The following SF1 variants were observed in gnomAD, a reference collection of about 807,000 sequenced individuals.
SF1 encodes the protein branch point-binding protein.
In SF1, 7 loss-of-function variants were observed where a neutral mutation model predicts 62.5. The observed-to-expected ratio is 0.11, with a 90% CI of 0.06 to 0.21. SF1 has a LOEUF of 0.21. Ranked by LOEUF, SF1 falls within the 10% of genes least tolerant of loss-of-function variation. The probability of loss-of-function intolerance (pLI) is 1.00; values close to 1 mark genes in which losing one functional copy is unlikely to be tolerated. For synonymous variants in SF1, 394 were observed against 323.6 expected (o/e 1.22, Z -2.33); for missense variants, 578 against 884.0 (o/e 0.65, Z 4.39).
chr11:64,777,354 G>T, intron 1 of SF1: 1 of 296,912 alleles, frequency 3.4e-6, no homozygotes, highest in Non-Finnish European at 5.0e-6. Flanking sequence ...AGAGGGAAAA[G>T]CTTTTTAAAA....
intron 1 of SF1, chr11:64,777,821 G>T: frequency 1.1e-6 from 1 of 952,370 alleles, no homozygotes; most frequent in Non-Finnish European, 1.2e-6. Context: ...GCGCACTCGA[G>T]GCCCTAGAAC....
Position 64,769,974 on chromosome 11 carries a change from T to C in SF1, c.469A>G (p.Ile157Val). Reference sequence around the variant, plus strand: ...CCAGCAGTTACTCACCTGGGCCCGATGAGCAGCCCCACAAAGTTGATTTCT... The same window carrying C: ...CCAGCAGTTACTCACCTGGGCCCGACGAGCAGCCCCACAAAGTTGATTTCT... ...YPEINFVGLL[I>V]GPRGNTLKNI... Residue 157 changes from isoleucine to valine, a missense_variant, in exon 5 of 13, where the codon ATC becomes GTC. By Grantham distance (29) the Ile-to-Val change is conservative. Around this residue, in one of 7 missense-constraint regions of SF1, gnomAD observed 68 missense variants for 170.7 expected, o/e 0.40. Coordinates refer to ENST00000377390, the MANE Select transcript of SF1 (RefSeq NM_004630.4). 6.2e-7 allele frequency: 1 copy of C among 1,613,050 alleles called. No homozygotes were observed. Among genetic ancestry groups the C allele is most frequent in the Non-Finnish European group, 8.5e-7 (1 of 1,178,992 alleles).
chr11:64,775,493 G>A (rs930024996), intron 2 of SF1, among the ~76,000 whole-genome samples: 1 of 152,174 alleles, frequency 6.6e-6, no homozygotes, highest in African/African-American at 2.4e-5. Context: ...ACTGTGAAAG[G>A]AGACAGACAA....
chr11:64,767,390 C>T, intron 10 of SF1, 139 bp from the exon 11 acceptor site: 6 of 1,053,384 alleles, frequency 5.7e-6, no homozygotes, highest in Non-Finnish European at 8.7e-6. Context: ...GCTTACCCAA[C>T]ACAGAATCAC....
At chr11:64,771,610 C>T (rs990430439) in intron 3 of SF1, 32 of 985,250 alleles carry the variant, frequency 3.2e-5, no homozygotes, top group African/African-American at 3.5e-5. Context: ...TGGCTAATGA[C>T]GGCTAAATGA....
chr11:64,770,412 T>A lies in SF1; in HGVS notation c.237-4A>T, dbSNP rs1247883740. 1.9e-6 allele frequency: 3 copies of A among 1,610,054 alleles called. No individual in the cohort carries two copies. The highest frequency in any genetic ancestry group is 2.2e-5 in the East Asian group (1 of 44,744). ...GATGGGCTCAGGGGAAGGGGACCTG[T>A]GGGAAACAGACTCCCGTTTACTATT... is the stretch of plus-strand genomic sequence containing the variant. On this transcript the variant is annotated splice_polypyrimidine_tract_variant and splice_region_variant and intron_variant, in intron 3 of 12. Transcript: ENST00000377390.
chr11:64,767,168 C>T, intron 11 of SF1, 24 bp downstream of exon 11: 1 of 1,613,802 alleles, frequency 6.2e-7, no homozygotes, highest in Admixed American at 1.7e-5. Flanking sequence ...AGGTGAAGAC[C>T]CACAGCCAGC....
chr11:64,770,427 C>T lies in SF1; in HGVS notation c.237-19G>A, dbSNP rs899308365. ...AGGGGACCTGTGGGAAACAGACTCCCGTTTACTATTCTGCACCGACTTCTC... is the reference window on the plus strand; with the variant it reads ...AGGGGACCTGTGGGAAACAGACTCCTGTTTACTATTCTGCACCGACTTCTC... On this transcript the variant is annotated intron_variant, in intron 3 of 12. Coordinates refer to ENST00000377390, the MANE Select transcript of SF1 (RefSeq NM_004630.4). 7.5e-6 allele frequency: 12 copies of T among 1,607,386 alleles called. No homozygotes were observed. Among genetic ancestry groups the T allele is most frequent in the Admixed American group, 3.3e-5 (2 of 59,872 alleles).
At chr11:64,777,361 A>T in intron 1 of SF1, 3 of 350,478 alleles carry the variant, frequency 8.6e-6, no homozygotes, top group Non-Finnish European at 1.2e-5. Flanking sequence ...AAAGCTTTTT[A>T]AAACAAAGCG....
intron 1 of SF1, 27 bp downstream of exon 1, chr11:64,778,335 G>C: frequency 8.2e-7 from 1 of 1,225,816 alleles, no homozygotes; most frequent in South Asian, 4.1e-5. Flanking sequence ...CCGGGGAGCG[G>C]GGGCAGCCCG....
At chr11:64,768,883 C>A in intron 8 of SF1, 139 bp downstream of exon 8, 1 of 710,956 alleles carries the variant, frequency 1.4e-6, no homozygotes. Context: ...TCATCCTGGG[C>A]TTTAAATCAC....
At position 64,765,322 on chromosome 11, in the gene SF1, A is replaced by C; in HGVS notation, c.*496T>G. ...AAGATAAAGAAGTAACAAAGGAAAAAGAAAAAAATTAATAAAAATTTCACG... is the reference window on the plus strand; with the variant it reads ...AAGATAAAGAAGTAACAAAGGAAAACGAAAAAAATTAATAAAAATTTCACG... On this transcript the variant is annotated 3_prime_UTR_variant, in exon 13 of 13. Coordinates refer to ENST00000377390, the MANE Select transcript of SF1 (RefSeq NM_004630.4). 3.0e-6 allele frequency: 2 copies of C among 675,698 alleles called. No individual in the cohort carries two copies. Among genetic ancestry groups the C allele is most frequent in the African/African-American group, 1.8e-5 (1 of 54,682 alleles). 41.9% of individuals were successfully genotyped at this position (675,698 alleles called of 1,614,324 possible). A position where few individuals can be genotyped will look rare whatever the true frequency, so the allele number is the denominator to read the frequency against.
At position 64,770,634 on chromosome 11, in the gene SF1, A is replaced by G. The variant is rs551106965; in HGVS notation, c.237-226T>C. 4 of 427,810 alleles carry G rather than the reference A, an allele frequency of 9.3e-6. No homozygotes were observed. In the Admixed American group the frequency reaches 1.6e-4, roughly 17 times the overall value. The allele number at this position is 427,810 out of a possible 1,614,324, so 26.5% of individuals were successfully genotyped here. Reference sequence around the variant, plus strand: ...GTGTGAGAAAGGAAAAAAATAAAAGATTTTGCATCTAGAAGTGATGAGAGG... The same window carrying G: ...GTGTGAGAAAGGAAAAAAATAAAAGGTTTTGCATCTAGAAGTGATGAGAGG... On this transcript the variant is annotated intron_variant, in intron 3 of 12. Coordinates refer to ENST00000377390, the MANE Select transcript of SF1 (RefSeq NM_004630.4).
chr11:64,775,142 G>A (rs1016453131), intron 2 of SF1, among the ~76,000 whole-genome samples: 2 of 152,052 alleles, frequency 1.3e-5, no homozygotes, highest in Non-Finnish European at 2.9e-5. Context: ...GAGGGGAGAA[G>A]GTGAGTCTTC....
intron 1 of SF1, chr11:64,777,787 C>A: frequency 1.0e-6 from 1 of 965,040 alleles, no homozygotes; most frequent in African/African-American, 1.8e-5. Flanking sequence ...CCCGCCCGCC[C>A]AGCCCTCCCC....
intron 5 of SF1, 112 bp downstream of exon 5, chr11:64,769,852 T>C (rs1401212611): frequency 3.5e-6 from 3 of 863,174 alleles, no homozygotes; most frequent in South Asian, 1.6e-5. Flanking sequence ...CAAAATGAAA[T>C]GTCCTACCAA....
intron 8 of SF1, among the ~76,000 whole-genome samples, chr11:64,768,702 G>A (rs547446972): frequency 4.2e-4 from 64 of 152,246 alleles, no homozygotes; most frequent in Admixed American, 2.1e-3. Flanking sequence ...GTGCTGACTT[G>A]CAACTGGTCA....
In SF1 at chr11:64,769,922, C is replaced by T. The variant is rs779150680; in HGVS notation, c.479+42G>A. 2.8e-6 allele frequency: 4 copies of T among 1,439,880 alleles called. No homozygotes were observed. In the African/African-American group the frequency reaches 4.2e-5, roughly 15 times the overall value. The allele number at this position is 1,439,880 out of a possible 1,614,324, so 89.2% of individuals were successfully genotyped here. A position where few individuals can be genotyped will look rare whatever the true frequency, so the allele number is the denominator to read the frequency against. Reference sequence around the variant, plus strand: ...GCACAAAACGGACACATCTCACAGGCTCTAAAGGAATTCTATATCCTATAG... The same window carrying T: ...GCACAAAACGGACACATCTCACAGGTTCTAAAGGAATTCTATATCCTATAG... On this transcript the variant is annotated intron_variant, in intron 5 of 12. Coordinates refer to ENST00000377390, the MANE Select transcript of SF1 (RefSeq NM_004630.4).
Position 64,778,258 on chromosome 11 carries a change from G to A in SF1, c.31+104C>T, listed in dbSNP as rs929215495. 17 of 1,208,268 alleles carry A rather than the reference G, an allele frequency of 1.4e-5. No individual in the cohort carries two copies. In the Admixed American group the frequency reaches 4.4e-4, roughly 31 times the overall value. 74.8% of individuals were successfully genotyped at this position (1,208,268 alleles called of 1,614,324 possible). On this transcript the variant is annotated intron_variant, in intron 1 of 12. Transcript: ENST00000377390. ...CCACGGGCGGGGGCGGCGGCGGCCC[G>A]GGAGCCAGCAGCCCCGCCCCAGGCC... is the stretch of plus-strand genomic sequence containing the variant.
Sources: gnomAD v4.1 joint callset for allele counts (sites outside exome capture counted in the v4.1 genomes callset) on GRCh38, gnomAD v4.1.1 for gene constraint, gnomAD v4.1.1 regional missense constraint, MANE v1.5 for transcripts, NCBI Gene and HGNC (gene_info 2026-07-23, HGNC 2026-07-21) for gene names.